MMS22L: variants seen among roughly 807,000 people sequenced by gnomAD.
MMS22L encodes the protein protein MMS22-like.
In MMS22L, 74 loss-of-function variants were observed where a neutral mutation model predicts 159.1. The ratio of observed to expected loss-of-function variants is 0.47; its 90% CI spans 0.39 to 0.56. The LOEUF (loss-of-function observed/expected upper bound fraction) is 0.56, where lower values mean the gene tolerates loss of function less well. Among genes scored for constraint, MMS22L ranks in the 20% least tolerant of loss-of-function variants. The pLI is 0.00. For missense variants in MMS22L, 1,351 were observed against 1,422.1 expected (o/e 0.95, Z 0.80); for synonymous variants, 517 against 506.9 (o/e 1.02, Z -0.27).
intron 12 of MMS22L, among the ~76,000 whole-genome samples, chr6:97,232,967 A>G (rs1562487638): frequency 6.6e-6 from 1 of 151,960 alleles, no homozygotes; most frequent in Non-Finnish European, 1.5e-5. Flanking sequence ...CTTTCTAAAT[A>G]TATTGTTCCT....
chr6:97,244,856 G>A (rs1812460101), intron 11 of MMS22L, among the ~76,000 whole-genome samples: 2 of 152,100 alleles, frequency 1.3e-5, no homozygotes, highest in East Asian at 3.9e-4. Context: ...CCTTGGGCAG[G>A]GCTTGATGCG....
At chr6:97,280,367 T>C (rs1446330638) in intron 3 of MMS22L, among the ~76,000 whole-genome samples, 1 of 152,054 alleles carries the variant, frequency 6.6e-6, no homozygotes, top group Non-Finnish European at 1.5e-5. Context: ...AGAGTCTCGC[T>C]CTGTCACCCA....
chr6:97,223,977 A>G (rs983080416), intron 14 of MMS22L, among the ~76,000 whole-genome samples: 2 of 152,230 alleles, frequency 1.3e-5, no homozygotes, highest in African/African-American at 4.8e-5. Flanking sequence ...GGGCAATATA[A>G]GCTGAACATG....
chr6:97,233,889 A>G lies in MMS22L; in HGVS notation c.1274T>C (p.Ile425Thr), dbSNP rs904353343. Residue 425 changes from isoleucine (I) to threonine (T), a missense_variant, in exon 12 of 25, where the codon ATT becomes ACT. By Grantham distance (89) the Ile-to-Thr change is moderately conservative. Transcript: ENST00000683635. Reference sequence around the variant, plus strand: ...GTTCTTACTATAATATTCCCATAAAATGGTAACAATTGCAATGTTTGGCTC... The same window carrying G: ...GTTCTTACTATAATATTCCCATAAAGTGGTAACAATTGCAATGTTTGGCTC... ...FWEPNIAIVTILWEYYSKNLN... is the reference protein window; with the variant it reads ...FWEPNIAIVTTLWEYYSKNLN... 3.0e-5 allele frequency: 49 copies of G among 1,609,198 alleles called. No individual in the cohort carries two copies. The highest frequency in any genetic ancestry group is 4.0e-5 in the Non-Finnish European group (47 of 1,178,030).
chr6:97,225,146 T>G (rs997416071), intron 14 of MMS22L, among the ~76,000 whole-genome samples: 1 of 152,208 alleles, frequency 6.6e-6, no homozygotes, highest in African/African-American at 2.4e-5. Context: ...ATTATTCTTG[T>G]GTTTCTAGTT....
At chr6:97,170,334 T>A (rs769705669) in intron 19 of MMS22L, among the ~76,000 whole-genome samples, 14 of 152,132 alleles carry the variant, frequency 9.2e-5, no homozygotes, top group Non-Finnish European at 1.5e-4. Flanking sequence ...AGACACCTAC[T>A]TTTTAGGTTT....
intron 14 of MMS22L, among the ~76,000 whole-genome samples, chr6:97,215,330 G>A (rs1413494619): frequency 6.6e-6 from 1 of 152,118 alleles, no homozygotes; most frequent in Non-Finnish European, 1.5e-5. Flanking sequence ...ATATAAGCAA[G>A]ATGACACTGT....
intron 3 of MMS22L, among the ~76,000 whole-genome samples, chr6:97,280,614 G>A (rs193153224): frequency 1.7e-4 from 26 of 152,198 alleles, no homozygotes; most frequent in Middle Eastern, 3.4e-3. Context: ...GCGCCTGGCC[G>A]TCCTCATCGT....
intron 3 of MMS22L, 100 bp from the exon 4 acceptor site, chr6:97,278,998 C>G (rs1816499835): frequency 2.2e-6 from 2 of 899,842 alleles, no homozygotes; most frequent in Admixed American, 2.3e-5. Flanking sequence ...TTCAATACCT[C>G]TTTAATTTGG....
At chr6:97,220,175 G>T (rs1256075991) in intron 14 of MMS22L, among the ~76,000 whole-genome samples, 1 of 152,110 alleles carries the variant, frequency 6.6e-6, no homozygotes, top group African/African-American at 2.4e-5. Flanking sequence ...CCTCAACTTC[G>T]TTGGACAAGA....
intron 24 of MMS22L, among the ~76,000 whole-genome samples, chr6:97,147,165 C>T (rs576638069): frequency 1.3e-5 from 2 of 151,920 alleles, no homozygotes; most frequent in African/African-American, 4.8e-5. Flanking sequence ...ATAATGCTCA[C>T]GGGTAATAAA....
chr6:97,173,329 T>A (rs1038585044), intron 18 of MMS22L, 107 bp from the exon 19 acceptor site: 5 of 970,614 alleles, frequency 5.2e-6, no homozygotes, highest in Non-Finnish European at 7.7e-6. Context: ...CCCATACCCT[T>A]TACATTTAAG....
chr6:97,206,539 T>C (rs374967804), intron 14 of MMS22L, among the ~76,000 whole-genome samples: 1 of 152,340 alleles, frequency 6.6e-6, no homozygotes, highest in East Asian at 1.9e-4. Flanking sequence ...TATGTTCTTA[T>C]ATTCTTATCC....
intron 10 of MMS22L, among the ~76,000 whole-genome samples, chr6:97,246,947 CA>C (rs1175952245): frequency 1.3e-5 from 2 of 150,180 alleles, no homozygotes; most frequent in Admixed American, 6.6e-5. Flanking sequence ...AATATTCTAC[CA>C]AATATTTAAT....
chr6:97,257,895 A>G (rs1436002569), intron 9 of MMS22L, among the ~76,000 whole-genome samples: 1 of 152,332 alleles, frequency 6.6e-6, no homozygotes, highest in East Asian at 1.9e-4. Context: ...ATCTTAACAA[A>G]CTATGTAAAT....
chr6:97,175,601 T>C (rs1320734396), intron 18 of MMS22L, among the ~76,000 whole-genome samples: 2 of 152,168 alleles, frequency 1.3e-5, no homozygotes, highest in Non-Finnish European at 2.9e-5. Context: ...TATTCGTCAT[T>C]TGGAAAATTG....
At chr6:97,250,859 T>G (rs1813161803) in intron 10 of MMS22L, among the ~76,000 whole-genome samples, 1 of 152,200 alleles carries the variant, frequency 6.6e-6, no homozygotes, top group Admixed American at 6.5e-5. Flanking sequence ...GACTAGCCAT[T>G]ATTACTTCAT....
At chr6:97,267,642 TAAAA>T (rs58513290) in intron 8 of MMS22L, 38 of 191,700 alleles carry the variant, frequency 2.0e-4, no homozygotes, top group East Asian at 8.8e-4. Flanking sequence ...CTATTTTTCT[TAAAA>T]AAAAAAAAAA....
chr6:97,201,578 C>T (rs911322329), intron 14 of MMS22L, among the ~76,000 whole-genome samples: 1 of 152,182 alleles, frequency 6.6e-6, no homozygotes, highest in Non-Finnish European at 1.5e-5. Context: ...TTACGAGTTC[C>T]ACCACTGGGC....
Sources: gnomAD v4.1 joint callset for allele counts (sites outside exome capture counted in the v4.1 genomes callset) on GRCh38, gnomAD v4.1.1 for gene constraint, MANE v1.5 for transcripts, NCBI Gene and HGNC (gene_info 2026-07-23, HGNC 2026-07-21) for gene names.